UVRAG: variants seen among roughly 807,000 people sequenced by gnomAD.
The protein encoded by UVRAG is UV radiation resistance associated, also known as UV radiation resistance-associated gene protein.
A neutral mutation model predicts 78.0 loss-of-function variants in UVRAG; 19 were observed. That is an observed-to-expected ratio of 0.24 (90% CI 0.17 to 0.36). The LOEUF is 0.36. Among genes scored for constraint, UVRAG ranks in the 10% least tolerant of loss-of-function variants. The pLI, the probability that UVRAG is intolerant of heterozygous loss-of-function variation, is 1.00. For missense variants in UVRAG, 740 were observed against 853.8 expected (o/e 0.87, Z 1.66); for synonymous variants, 323 against 324.6 (o/e 1.00, Z 0.05).
chr11:75,859,076 A>C (rs1257717767), intron 2 of UVRAG, among the ~76,000 whole-genome samples: 1 of 152,304 alleles, frequency 6.6e-6, no homozygotes, highest in East Asian at 1.9e-4. Context: ...CTTGAATGAT[A>C]TCTTTTTGAA....
chr11:75,936,326 G>A (rs752323037), intron 6 of UVRAG, among the ~76,000 whole-genome samples: 6 of 152,152 alleles, frequency 3.9e-5, no homozygotes, highest in Non-Finnish European at 5.9e-5. Context: ...TCAAATCTCT[G>A]TCCACTAGTT....
chr11:76,048,746 A>C (rs1182203221), intron 12 of UVRAG, among the ~76,000 whole-genome samples: 1 of 152,220 alleles, frequency 6.6e-6, no homozygotes, highest in Non-Finnish European at 1.5e-5. Context: ...TAGCTAACTT[A>C]TGTGTGTAAT....
intron 14 of UVRAG, among the ~76,000 whole-genome samples, chr11:76,131,029 G>A (rs188699802): frequency 1.8e-4 from 28 of 151,942 alleles, no homozygotes; most frequent in Non-Finnish European, 3.2e-4. Context: ...GGGTCCCCAG[G>A]TATCATTCCT....
At chr11:76,000,479 G>A (rs990108831) in intron 8 of UVRAG, among the ~76,000 whole-genome samples, 2 of 151,964 alleles carry the variant, frequency 1.3e-5, no homozygotes, top group African/African-American at 4.8e-5. Flanking sequence ...ATGATGGAGT[G>A]CACCTGTAGT....
rs551946487 is a variant in UVRAG at position 75,870,939 on chromosome 11, G to A, written c.271-8940G>A. Among the ~76,000 whole-genome samples, 555 of 151,764 alleles carry A rather than the reference G, an allele frequency of 3.7e-3. 1 individual carries two copies. The highest frequency in any genetic ancestry group is 0.012 in the African/African-American group (502 of 41,348). ...GGCTGGAGTGCAATGGCGCGATCCC[G>A]GCTCACTGCAACCTCCGCCTCCAAG... On this transcript the variant is annotated intron_variant, in intron 3 of 14. Transcript: ENST00000356136.
At chr11:76,091,602 T>A (rs1032584240) in intron 13 of UVRAG, among the ~76,000 whole-genome samples, 1 of 152,174 alleles carries the variant, frequency 6.6e-6, no homozygotes, top group Non-Finnish European at 1.5e-5. Context: ...AGAGATTTGC[T>A]TACCTTCATC....
At chr11:75,877,275 T>G (rs1016761942) in intron 3 of UVRAG, among the ~76,000 whole-genome samples, 4 of 152,176 alleles carry the variant, frequency 2.6e-5, no homozygotes, top group Admixed American at 2.0e-4. Context: ...GGCAACCATC[T>G]GATTTCTCAA....
chr11:75,902,791 C>T (rs1565371688), intron 5 of UVRAG, among the ~76,000 whole-genome samples: 1 of 152,094 alleles, frequency 6.6e-6, no homozygotes, highest in Non-Finnish European at 1.5e-5. Context: ...ATAATCCAAG[C>T]TCAGATCAAC....
At chr11:76,070,156 G>A (rs1312961040) in intron 13 of UVRAG, among the ~76,000 whole-genome samples, 1 of 152,086 alleles carries the variant, frequency 6.6e-6, no homozygotes, top group Non-Finnish European at 1.5e-5. Flanking sequence ...TGACAATACA[G>A]ATGAACCTGG....
At chr11:76,101,732 A>T (rs1275658532) in intron 13 of UVRAG, among the ~76,000 whole-genome samples, 1 of 152,172 alleles carries the variant, frequency 6.6e-6, no homozygotes, top group Non-Finnish European at 1.5e-5. Flanking sequence ...GTAAGTCTTT[A>T]ATCCATCTTG....
intron 2 of UVRAG, among the ~76,000 whole-genome samples, chr11:75,859,348 C>T (rs1946367735): frequency 6.6e-6 from 1 of 151,396 alleles, no homozygotes. Flanking sequence ...TGCACTCCAG[C>T]CTGGGTGACA....
chr11:75,866,418 A>T (rs533604983), intron 3 of UVRAG, among the ~76,000 whole-genome samples: 165 of 152,050 alleles, frequency 1.1e-3, no homozygotes, highest in Non-Finnish European at 1.8e-3. Context: ...ATGGTGGTGC[A>T]TACGTGTAGT....
chr11:76,024,693 C>G (rs1301552255), intron 12 of UVRAG, among the ~76,000 whole-genome samples: 1 of 152,026 alleles, frequency 6.6e-6, no homozygotes, highest in African/African-American at 2.4e-5. Context: ...TGAAGTACTT[C>G]AAATCCTTTT....
At chr11:75,928,859 G>A (rs991156859) in intron 6 of UVRAG, among the ~76,000 whole-genome samples, 1 of 143,740 alleles carries the variant, frequency 7.0e-6, no homozygotes, top group Non-Finnish European at 1.5e-5. Context: ...GGAGAATGAC[G>A]TGAACCCGGG....
chr11:75,883,709 G>A (rs1359223883), intron 4 of UVRAG, among the ~76,000 whole-genome samples: 3 of 152,200 alleles, frequency 2.0e-5, no homozygotes, highest in Admixed American at 2.0e-4. Context: ...AGCTGTGAGA[G>A]TCGTACGGGG....
At chr11:75,888,283 A>C (rs746145954) in intron 4 of UVRAG, among the ~76,000 whole-genome samples, 3 of 151,894 alleles carry the variant, frequency 2.0e-5, no homozygotes, top group African/African-American at 7.3e-5. Context: ...ACAGGCGTGC[A>C]CCATCATGCC....
intron 6 of UVRAG, among the ~76,000 whole-genome samples, chr11:75,949,502 A>G (rs1021882952): frequency 1.3e-5 from 2 of 151,976 alleles, no homozygotes; most frequent in African/African-American, 2.4e-5. Flanking sequence ...TATTCAACTC[A>G]TATTCAACAC....
chr11:75,971,759 C>T (rs1025731102), intron 7 of UVRAG, among the ~76,000 whole-genome samples: 6 of 151,902 alleles, frequency 3.9e-5, no homozygotes, highest in Admixed American at 3.9e-4. Context: ...GATCCTGGTT[C>T]ACTGAAACCT....
chr11:76,071,306 A>T (rs1951303205), intron 13 of UVRAG, among the ~76,000 whole-genome samples: 2 of 152,212 alleles, frequency 1.3e-5, no homozygotes, highest in Non-Finnish European at 2.9e-5. Flanking sequence ...TAAGGAACAG[A>T]AAGTTCCTGA....
Sources: allele counts gnomAD v4.1 joint callset (sites outside exome capture counted in the v4.1 genomes callset), GRCh38; gene constraint gnomAD v4.1.1; transcripts MANE v1.5; gene names NCBI Gene and HGNC (gene_info 2026-07-23, HGNC 2026-07-21).